RBM20: variants seen among roughly 807,000 people sequenced by gnomAD.
RBM20 encodes the protein RNA-binding protein 20.
RBM20 carries 51 observed loss-of-function variants against 110.1 expected under a neutral mutation model. The observed-to-expected ratio is 0.46, with a 90% confidence interval of 0.37 to 0.59. The LOEUF (loss-of-function observed/expected upper bound fraction) is 0.59, where lower values mean the gene tolerates loss of function less well. Among genes scored for constraint, RBM20 ranks in the 20% least tolerant of loss-of-function variants. RBM20 has a pLI of 0.00. For synonymous variants in RBM20, 589 were observed against 618.2 expected, an observed-to-expected ratio of 0.95 and a Z score of 0.70; for missense variants, 1,512 against 1,574.9, an observed-to-expected ratio of 0.96 and a Z score of 0.68.
Position 110,781,788 on chromosome 10 carries a change from C to G in RBM20, c.1179C>G (p.Pro393=). The change falls in exon 2 of 14, where the codon CCC becomes CCG. Residue 393 remains proline (P), a synonymous_variant. Transcript: ENST00000369519. ...KEDQALLSVR[P]LQAHELNDFH... is the part of the protein sequence containing the mutation. Reference sequence around the variant, plus strand: ...ACCAGGCGTTGCTATCTGTGCGGCCCCTGCAGGCTCATGAGCTGAACGACT... The same window carrying G: ...ACCAGGCGTTGCTATCTGTGCGGCCGCTGCAGGCTCATGAGCTGAACGACT... The G allele has an allele frequency of 6.4e-7, 1 of 1,551,816 alleles. No individual in the cohort carries two copies. The highest frequency in any genetic ancestry group is 8.7e-7 in the Non-Finnish European group (1 of 1,147,016).
rs371754487 is a variant in RBM20 at position 110,831,109 on chromosome 10, G to T, written c.3500G>T (p.Gly1167Val). 1 of 1,551,434 alleles carries T rather than the reference G, an allele frequency of 6.4e-7. No homozygotes were observed. The highest frequency in any genetic ancestry group is 2.4e-5 in the East Asian group (1 of 40,938). ...ACTGGCTTTTATTGCAAGCTGTGTGGGCTGTTCTACACGAGCGAGGAGACA... is the reference window on the plus strand; with the variant it reads ...ACTGGCTTTTATTGCAAGCTGTGTGTGCTGTTCTACACGAGCGAGGAGACA... The part of the protein sequence containing the change: ...PRTGFYCKLC[G>V]LFYTSEETAK... Residue 1167 changes from glycine to valine, a missense_variant, in exon 13 of 14, where the codon GGG becomes GTG. Gly to Val is a moderately radical substitution (Grantham distance 109, BLOSUM62 -3). This residue lies in a region of RBM20 where 358 missense variants were observed against 384.2 expected (regional missense o/e 0.93). Transcript: ENST00000369519.
intron 1 of RBM20, among the ~76,000 whole-genome samples, chr10:110,731,029 A>G (rs1843616038): frequency 6.6e-6 from 1 of 151,774 alleles, no homozygotes; most frequent in Non-Finnish European, 1.5e-5. Context: ...TTTGTCTAGA[A>G]CTCCTTCTGA....
At chr10:110,673,509 A>C (rs1196174932) in intron 1 of RBM20, among the ~76,000 whole-genome samples, 1 of 152,214 alleles carries the variant, frequency 6.6e-6, no homozygotes, top group African/African-American at 2.4e-5. Flanking sequence ...CATGCCCAGC[A>C]TCCAAATGGC....
At chr10:110,680,323 A>G (rs1173140412) in intron 1 of RBM20, among the ~76,000 whole-genome samples, 1 of 152,170 alleles carries the variant, frequency 6.6e-6, no homozygotes, top group Non-Finnish European at 1.5e-5. Context: ...GGGAAGGCCC[A>G]CAGGGCTGTT....
At chr10:110,711,111 G>T (rs943644747) in intron 1 of RBM20, among the ~76,000 whole-genome samples, 6 of 151,848 alleles carry the variant, frequency 4.0e-5, no homozygotes, top group Non-Finnish European at 8.8e-5. Context: ...ATCCAGTGGT[G>T]CAGGAAAGAG....
At chr10:110,820,334 G>A (rs760248040) in intron 10 of RBM20, among the ~76,000 whole-genome samples, 158 bp downstream of exon 10, 1 of 152,172 alleles carries the variant, frequency 6.6e-6, no homozygotes, top group Non-Finnish European at 1.5e-5. Flanking sequence ...TGGAGGAGTG[G>A]CTGTGCCTGG....
intron 1 of RBM20, among the ~76,000 whole-genome samples, chr10:110,649,796 G>A (rs943298152): frequency 6.6e-6 from 1 of 152,148 alleles, no homozygotes; most frequent in South Asian, 2.1e-4. Context: ...GGTAATTAGT[G>A]GTTTGCAGAA....
intron 1 of RBM20, among the ~76,000 whole-genome samples, chr10:110,760,711 G>A (rs1590659952): frequency 2.7e-5 from 4 of 150,104 alleles, no homozygotes; most frequent in Middle Eastern, 3.4e-3. Context: ...AAAGTGCTGC[G>A]ATTACAGGTG....
At chr10:110,790,306 G>A (rs1241291151) in intron 5 of RBM20, among the ~76,000 whole-genome samples, 8 of 152,164 alleles carry the variant, frequency 5.3e-5, no homozygotes, top group Non-Finnish European at 8.8e-5. Flanking sequence ...ACTACCAGCC[G>A]CCTCCCCACC....
At chr10:110,665,275 G>A (rs1334898471) in intron 1 of RBM20, among the ~76,000 whole-genome samples, 1 of 152,204 alleles carries the variant, frequency 6.6e-6, no homozygotes, top group Non-Finnish European at 1.5e-5. Flanking sequence ...CAATGTGGTT[G>A]TTAATGGCTA....
At chr10:110,809,354 A>G (rs775862834) in intron 7 of RBM20, among the ~76,000 whole-genome samples, 8 of 152,096 alleles carry the variant, frequency 5.3e-5, no homozygotes, top group Non-Finnish European at 8.8e-5. Context: ...CTTTAAAAAA[A>G]TCAGCTTTAT....
chr10:110,822,342 G>A, intron 11 of RBM20: 1 of 441,956 alleles, frequency 2.3e-6, no homozygotes, highest in Non-Finnish European at 4.5e-6. Context: ...GGGGATACAA[G>A]AAAGGAGTGG....
At chr10:110,651,407 G>C (rs184702802) in intron 1 of RBM20, among the ~76,000 whole-genome samples, 1 of 152,242 alleles carries the variant, frequency 6.6e-6, no homozygotes, top group East Asian at 1.9e-4. Context: ...AACAGGAAAA[G>C]GTTTTATACT....
chr10:110,807,239 G>A (rs976123976), intron 7 of RBM20, among the ~76,000 whole-genome samples: 6 of 152,318 alleles, frequency 3.9e-5, no homozygotes, highest in African/African-American at 7.2e-5. Flanking sequence ...CAGCCCAGGG[G>A]CCCCCTCACT....
At chr10:110,759,185 C>A (rs1396069280) in intron 1 of RBM20, among the ~76,000 whole-genome samples, 1 of 152,200 alleles carries the variant, frequency 6.6e-6, no homozygotes, top group Non-Finnish European at 1.5e-5. Flanking sequence ...GGGAACGAAT[C>A]CTGCCTTTGT....
At chr10:110,706,652 C>T (rs148786192) in intron 1 of RBM20, among the ~76,000 whole-genome samples, 5 of 152,222 alleles carry the variant, frequency 3.3e-5, no homozygotes, top group Non-Finnish European at 4.4e-5. Flanking sequence ...AATTTCAGGA[C>T]GGAGTGGTGG....
chr10:110,796,013 C>A (rs1844545631), intron 5 of RBM20, among the ~76,000 whole-genome samples: 1 of 152,208 alleles, frequency 6.6e-6, no homozygotes, highest in Non-Finnish European at 1.5e-5. Context: ...GAAGAAAGGA[C>A]TCCAAGCTAA....
At chr10:110,819,034 G>T (rs1844876563) in intron 9 of RBM20, among the ~76,000 whole-genome samples, 1 of 152,190 alleles carries the variant, frequency 6.6e-6, no homozygotes, top group African/African-American at 2.4e-5. Flanking sequence ...GCTCCAGCTG[G>T]CTCCTAGTCA....
Position 110,836,216 on chromosome 10 carries a change from T to C in RBM20, c.*238T>C. ...GGTCACCAACTCTCTCCCTGCTGACTCTTGTTTCTCTCAATCTTTCAATTC... is the reference window on the plus strand; with the variant it reads ...GGTCACCAACTCTCTCCCTGCTGACCCTTGTTTCTCTCAATCTTTCAATTC... On this transcript the variant is annotated 3_prime_UTR_variant, in exon 14 of 14. Coordinates refer to ENST00000369519, the MANE Select transcript of RBM20 (RefSeq NM_001134363.3). The C allele has an allele frequency of 3.0e-6, 1 of 334,786 alleles. No homozygotes were observed. Among genetic ancestry groups the C allele is most frequent in the Non-Finnish European group, 5.4e-6 (1 of 185,698 alleles). 20.7% of individuals were successfully genotyped at this position (334,786 alleles called of 1,614,324 possible).
Sources: gnomAD v4.1 joint callset for allele counts (sites outside exome capture counted in the v4.1 genomes callset) on GRCh38, gnomAD v4.1.1 for gene constraint, gnomAD v4.1.1 regional missense constraint, MANE v1.5 for transcripts, NCBI Gene and HGNC (gene_info 2026-07-23, HGNC 2026-07-21) for gene names.